FLI1: variants seen among roughly 807,000 people sequenced by gnomAD.
The protein encoded by FLI1 is Friend leukemia integration 1 transcription factor.
Under a neutral mutation model 53.1 loss-of-function variants are expected in FLI1, and 13 were observed. That is an observed-to-expected ratio of 0.24 (90% CI 0.16 to 0.39). The LOEUF is 0.39. Ranked by LOEUF, FLI1 falls within the 10% of genes least tolerant of loss-of-function variation. The pLI is 1.00. For synonymous variants in FLI1, 244 were observed against 236.7 expected, an observed-to-expected ratio of 1.03 and a Z score of -0.28; for missense variants, 424 against 600.5, an observed-to-expected ratio of 0.71 and a Z score of 3.07.
chr11:128,772,873 C>T lies in FLI1; in HGVS notation c.477C>T (p.Phe159=), dbSNP rs201473472. ...TGATGGAGATCGACACATCCTTTTTCCAGAACATGGATGGCAAGGAACTGT... is the reference window on the plus strand; with the variant it reads ...TGATGGAGATCGACACATCCTTTTTTCAGAACATGGATGGCAAGGAACTGT... ...YSLMEIDTSF[F]QNMDGKELCK... The change falls in exon 4 of 9, where the codon TTC becomes TTT. Residue 159 remains phenylalanine (F), a synonymous_variant. Coordinates refer to ENST00000527786, the MANE Select transcript of FLI1 (RefSeq NM_002017.5). The T allele has an allele frequency of 6.2e-7, 1 of 1,613,972 alleles. No individual in the cohort carries two copies. Among genetic ancestry groups the T allele is most frequent in the Non-Finnish European group, 8.5e-7 (1 of 1,179,856 alleles).
In FLI1 at chr11:128,812,958, C is replaced by T; in HGVS notation, c.*1970C>T. The stretch of plus-strand genomic sequence containing the variant: ...TGAAAAGAGTGAGACCTGGGAAGTC[C>T]TTGATTTGCAAGGAATTAGACTCAC... On this transcript the variant is annotated 3_prime_UTR_variant, in exon 9 of 9. Transcript: ENST00000527786. 2 of 168,684 alleles carry T rather than the reference C, an allele frequency of 1.2e-5. 1 individual carries two copies. The highest frequency in any genetic ancestry group is 2.6e-5 in the Non-Finnish European group (2 of 77,914). 10.4% of individuals were successfully genotyped at this position (168,684 alleles called of 1,614,324 possible). A position where few individuals can be genotyped will look rare whatever the true frequency, so the allele number is the denominator to read the frequency against.
At chr11:128,713,143 C>T (rs1250832560) in intron 1 of FLI1, among the ~76,000 whole-genome samples, 1 of 152,172 alleles carries the variant, frequency 6.6e-6, no homozygotes, top group Non-Finnish European at 1.5e-5. Context: ...GAAAATGAGG[C>T]CATGTTCCTA....
At chr11:128,790,560 C>T (rs933088226) in intron 5 of FLI1, among the ~76,000 whole-genome samples, 1 of 152,154 alleles carries the variant, frequency 6.6e-6, no homozygotes, top group Non-Finnish European at 1.5e-5. Flanking sequence ...TATTTCTTTT[C>T]GTGGGTGTGC....
At chr11:128,719,154 G>A (rs528000145) in intron 1 of FLI1, among the ~76,000 whole-genome samples, 1 of 152,174 alleles carries the variant, frequency 6.6e-6, no homozygotes, top group East Asian at 1.9e-4. Flanking sequence ...ATGGGAGAGG[G>A]GAAGGCATTT....
intron 5 of FLI1, among the ~76,000 whole-genome samples, chr11:128,788,184 C>T (rs1371866819): frequency 6.6e-6 from 1 of 151,908 alleles, no homozygotes; most frequent in Non-Finnish European, 1.5e-5. Context: ...AAAACTTATT[C>T]GGGGGCCGGG....
At chr11:128,741,254 G>A (rs1325189305) in intron 1 of FLI1, among the ~76,000 whole-genome samples, 1 of 152,130 alleles carries the variant, frequency 6.6e-6, no homozygotes, top group Non-Finnish European at 1.5e-5. Flanking sequence ...TTAGCCAGGT[G>A]TGGTCATGGG....
intron 5 of FLI1, among the ~76,000 whole-genome samples, chr11:128,790,932 G>T (rs1472002358): frequency 2.0e-5 from 3 of 152,120 alleles, no homozygotes; most frequent in African/African-American, 7.2e-5. Flanking sequence ...CAGAGGTTGT[G>T]CAGGCCACGG....
chr11:128,761,403 G>T (rs1941116447), intron 2 of FLI1, among the ~76,000 whole-genome samples: 1 of 152,184 alleles, frequency 6.6e-6, no homozygotes, highest in Non-Finnish European at 1.5e-5. Flanking sequence ...ACTGACACGT[G>T]GGCAGGGCCT....
chr11:128,770,231 G>A (rs1941502874), intron 3 of FLI1, among the ~76,000 whole-genome samples: 2 of 152,200 alleles, frequency 1.3e-5, no homozygotes, highest in African/African-American at 2.4e-5. Flanking sequence ...TACCTATAGC[G>A]CTGGTGGTGA....
At chr11:128,760,980 G>T (rs504132) in intron 2 of FLI1, among the ~76,000 whole-genome samples, 1 of 152,076 alleles carries the variant, frequency 6.6e-6, no homozygotes, top group African/African-American at 2.4e-5. Context: ...TCTATTCTCC[G>T]GACAGCAAGC....
At chr11:128,774,231 T>C (rs1941665946) in intron 4 of FLI1, among the ~76,000 whole-genome samples, 1 of 152,182 alleles carries the variant, frequency 6.6e-6, no homozygotes, top group South Asian at 2.1e-4. Context: ...TTTCCACTGG[T>C]GCCTCTGTGC....
upstream of FLI1, among the ~76,000 whole-genome samples, chr11:128,685,248 G>A (rs546384551): frequency 2.0e-5 from 3 of 152,344 alleles, no homozygotes; most frequent in South Asian, 6.2e-4. Flanking sequence ...GCACGCAGCA[G>A]GTTTAACTCC....
chr11:128,809,206 T>A lies in FLI1; in HGVS notation c.829+2T>A. The A allele has an allele frequency of 6.2e-7, 1 of 1,613,240 alleles. No individual in the cohort carries two copies. The highest frequency in any genetic ancestry group is 8.5e-7 in the Non-Finnish European group (1 of 1,179,148). ...CCAGCAGTCGCCTAGCCAACCCTGG[T>A]GAGTTTACCTTGGCCTGCAAGCCTT... On this transcript the variant is annotated splice_donor_variant, in intron 8 of 8. Coordinates refer to ENST00000527786, the MANE Select transcript of FLI1 (RefSeq NM_002017.5). LOFTEE classifies it high-confidence loss of function.
At chr11:128,775,031 C>A (rs1325418578) in intron 4 of FLI1, among the ~76,000 whole-genome samples, 1 of 152,168 alleles carries the variant, frequency 6.6e-6, no homozygotes, top group African/African-American at 2.4e-5. Context: ...CAGAAAGTGC[C>A]CCCAAATCAA....
chr11:128,781,678 G>C (rs1439268394), intron 4 of FLI1, among the ~76,000 whole-genome samples: 1 of 152,192 alleles, frequency 6.6e-6, no homozygotes, highest in Non-Finnish European at 1.5e-5. Context: ...CAGCGCTTCA[G>C]AACTATGAAT....
At chr11:128,786,719 C>T (rs1407738856) in intron 5 of FLI1, among the ~76,000 whole-genome samples, 1 of 152,196 alleles carries the variant, frequency 6.6e-6, no homozygotes, top group African/African-American at 2.4e-5. Context: ...ACTCAGCTGG[C>T]CCAGCAGTGT....
intron 7 of FLI1, among the ~76,000 whole-genome samples, chr11:128,808,300 T>G (rs552989357): frequency 2.0e-5 from 3 of 152,306 alleles, no homozygotes; most frequent in Admixed American, 1.3e-4. Context: ...AAACTGCAAT[T>G]ATAGTTGAAA....
chr11:128,728,209 G>A (rs1021232295), intron 1 of FLI1, among the ~76,000 whole-genome samples: 3 of 152,378 alleles, frequency 2.0e-5, no homozygotes, highest in African/African-American at 7.2e-5. Flanking sequence ...AGGTGGAGCG[G>A]CCAGGACATG....
upstream of FLI1, among the ~76,000 whole-genome samples, chr11:128,690,215 C>A (rs375227818): frequency 6.6e-6 from 1 of 152,246 alleles, no homozygotes; most frequent in African/African-American, 2.4e-5. Context: ...TTGGCGCTTG[C>A]CCGCCCACCC....
Sources: gnomAD v4.1 joint callset for allele counts (sites outside exome capture counted in the v4.1 genomes callset) on GRCh38, gnomAD v4.1.1 for gene constraint, MANE v1.5 for transcripts, NCBI Gene and HGNC (gene_info 2026-07-23, HGNC 2026-07-21) for gene names.